ZSCAN29: variants seen among roughly 807,000 people sequenced by gnomAD.
The protein encoded by ZSCAN29 is zinc finger and SCAN domain containing 29.
In ZSCAN29, 55 loss-of-function variants were observed where a neutral mutation model predicts 71.9. That is an observed-to-expected ratio of 0.76 (90% CI 0.62 to 0.96). The LOEUF is 0.96. Ranked by LOEUF, ZSCAN29 falls within the 40% of genes least tolerant of loss-of-function variation. ZSCAN29 has a pLI of 0.00. For synonymous variants in ZSCAN29, 351 were observed against 371.6 expected, an observed-to-expected ratio of 0.94 and a Z score of 0.64; for missense variants, 1,042 against 1,042.2, an observed-to-expected ratio of 1.00 and a Z score of 0.00.
chr15:43,364,217 G>A lies in ZSCAN29; in HGVS notation c.1388C>T (p.Thr463Ile). The A allele has an allele frequency of 6.2e-7, 1 of 1,614,166 alleles. No homozygotes were observed. Among genetic ancestry groups the A allele is most frequent in the Non-Finnish European group, 8.5e-7 (1 of 1,180,038 alleles). Residue 463 changes from threonine to isoleucine, a missense_variant, in exon 5 of 6, where the codon ACC (threonine) becomes ATC (isoleucine). Transcript: ENST00000684362. ...GFLRTPEQCR[T>I]KFKSLQTSYR... ...GCTGGTTTGCAGGCTTTTAAACTTG[G>A]TCCGACACTGTTCTGGGGTCCTAAG...
chr15:43,363,823 G>A, intron 5 of ZSCAN29, 92 bp downstream of exon 5: 12 of 1,238,814 alleles, frequency 9.7e-6, no homozygotes, highest in African/African-American at 1.5e-5. Context: ...TGAAAGCTGG[G>A]TGTAGAGGCC....
chr15:43,358,271 A>C lies in ZSCAN29; in HGVS notation c.*2802T>G, dbSNP rs939091647. On this transcript the variant is annotated 3_prime_UTR_variant, in exon 6 of 6. Coordinates refer to ENST00000684362, the MANE Select transcript of ZSCAN29 (RefSeq NM_001372080.1). ...CAGAAAGGGAAATGGAGGCAGGTTA[A>C]CTTACAAGACATCTGGAACCAGAAT... The C allele has an allele frequency of 1.3e-5, 2 of 152,652 alleles. No individual in the cohort carries two copies. Among genetic ancestry groups the C allele is most frequent in the African/African-American group, 4.8e-5 (2 of 41,454 alleles). 9.5% of individuals were successfully genotyped at this position (152,652 alleles called of 1,614,324 possible). A position where few individuals can be genotyped will look rare whatever the true frequency, so the allele number is the denominator to read the frequency against.
rs773702432 is a variant in ZSCAN29, at chr15:43,369,773, T to C, written c.141A>G (p.Leu47=). ...GCTCCTTGGTGCGCACCTCCGGCCT[T>C]AGCCACCGACAGCAAAGTTCCCAGA... is the stretch of plus-strand genomic sequence containing the variant. ...SQLWELCCRW[L]RPEVRTKEQI... Residue 47 remains leucine (L), a synonymous_variant, in exon 2 of 6, where the codon CTA becomes CTG. Transcript: ENST00000684362. 1.9e-6 allele frequency: 3 copies of C among 1,614,232 alleles called. No homozygotes were observed. In the African/African-American group the frequency reaches 4.0e-5, roughly 22 times the overall value.
chr15:43,361,733 C>A lies in ZSCAN29; in HGVS notation c.1899G>T (p.Lys633Asn). 6.2e-7 allele frequency: 1 copy of A among 1,614,174 alleles called. No individual in the cohort carries two copies. Among genetic ancestry groups the A allele is most frequent in the Non-Finnish European group, 8.5e-7 (1 of 1,180,034 alleles). Residue 633 changes from lysine (K) to asparagine (N), a missense_variant, in exon 6 of 6, where the codon AAG becomes AAT. Lys to Asn is a moderately conservative substitution (Grantham distance 94). Transcript: ENST00000684362. ...EKRGKLTLPE[K>N]SLSEVLSQQR... The stretch of plus-strand genomic sequence containing the variant: ...GTTGACTTAGGACTTCACTTAAGCT[C>A]TTCTCCGGGAGTGTCAGTTTTCCTC...
At position 43,369,597 on chromosome 15, in the gene ZSCAN29, G is replaced by A. The variant is rs1595469922; in HGVS notation, c.317C>T (p.Ser106Leu). 1 of 1,609,378 alleles carries A rather than the reference G, an allele frequency of 6.2e-7. No individual in the cohort carries two copies. Among genetic ancestry groups the A allele is most frequent in the Non-Finnish European group, 8.5e-7 (1 of 1,176,656 alleles). ...TTTGAATTCCCCCTCCCTTCTCACC[G>A]AAGATCTAGGTCTTCCAGGCTCTCT... is the stretch of plus-strand genomic sequence containing the variant. Reference protein sequence around the residue: ...LEREPGRPRSSVTVSVKGQEV... With the variant: ...LEREPGRPRSLVTVSVKGQEV... Residue 106 changes from serine to leucine, a missense_variant and splice_region_variant, in exon 2 of 6, where the codon TCG becomes TTG. Coordinates refer to ENST00000684362, the MANE Select transcript of ZSCAN29 (RefSeq NM_001372080.1).
chr15:43,360,937 G>A lies in ZSCAN29; in HGVS notation c.*136C>T. 8.0e-7 allele frequency: 1 copy of A among 1,243,036 alleles called. No homozygotes were observed. Among genetic ancestry groups the A allele is most frequent in the Non-Finnish European group, 1.1e-6 (1 of 901,946 alleles). 77.0% of individuals were successfully genotyped at this position (1,243,036 alleles called of 1,614,324 possible). ...TTGAGTCTAGATCAGGAAAAACAAG[G>A]AACAAACAGTGGCATAAATCCTAAA... is the stretch of plus-strand genomic sequence containing the variant. On this transcript the variant is annotated 3_prime_UTR_variant, in exon 6 of 6. Coordinates refer to ENST00000684362, the MANE Select transcript of ZSCAN29 (RefSeq NM_001372080.1).
rs2043974786 is a variant in ZSCAN29, at chr15:43,361,196, G to A, written c.2436C>T (p.His812=). 2 of 1,614,082 alleles carry A rather than the reference G, an allele frequency of 1.2e-6. No homozygotes were observed. Among genetic ancestry groups the A allele is most frequent in the South Asian group, 1.1e-5 (1 of 91,084 alleles). The change falls in exon 6 of 6, where the codon CAC becomes CAT. Residue 812 remains histidine, a synonymous_variant. Transcript: ENST00000684362. ...SSDLRAHHRT[H]TGEKPYGCHD... ...GACACCCATAGGGTTTCTCTCCTGT[G>A]TGGGTTCTATGATGTGCACGTAAGT...
chr15:43,370,904 C>T lies in ZSCAN29; in HGVS notation c.-459G>A. 1 of 196,226 alleles carries T rather than the reference C, an allele frequency of 5.1e-6. No individual in the cohort carries two copies. Among genetic ancestry groups the T allele is most frequent in the Non-Finnish European group, 1.1e-5 (1 of 93,832 alleles). 12.2% of individuals were successfully genotyped at this position (196,226 alleles called of 1,614,324 possible). On this transcript the variant is annotated 5_prime_UTR_variant, in exon 1 of 6. Coordinates refer to ENST00000684362, the MANE Select transcript of ZSCAN29 (RefSeq NM_001372080.1). ...AGCCCACCCCTGGGAGCGTCTCCCTCTCGAGCTGCCCCTCAACCCCCTCGC... is the reference window on the plus strand; with the variant it reads ...AGCCCACCCCTGGGAGCGTCTCCCTTTCGAGCTGCCCCTCAACCCCCTCGC...
chr15:43,366,905 T>C (rs548497670), intron 3 of ZSCAN29, 97 bp from the exon 4 acceptor site: 6 of 1,176,596 alleles, frequency 5.1e-6, no homozygotes, highest in East Asian at 2.4e-5. Context: ...AAGAGGATTA[T>C]AAACAAAGTG....
At position 43,369,819 on chromosome 15, in the gene ZSCAN29, G is replaced by C. The variant is rs2044082550; in HGVS notation, c.95C>G (p.Pro32Arg). 6.2e-7 allele frequency: 1 copy of C among 1,614,170 alleles called. No homozygotes were observed. ...CCAGAGTTGGCTGAAAGCCTCCCGC[G>C]GCCCAGCCACCTCCTGGTAATGGAA... ...RRFHYQEVAG[P>R]REAFSQLWEL... The change falls in exon 2 of 6, where the codon CCG (proline) becomes CGG (arginine). Residue 32 changes from proline (P) to arginine (R), a missense_variant. Coordinates refer to ENST00000684362, the MANE Select transcript of ZSCAN29 (RefSeq NM_001372080.1).
chr15:43,369,016 C>A lies in ZSCAN29; in HGVS notation c.430G>T (p.Gly144Cys), dbSNP rs2142738115. The A allele has an allele frequency of 6.2e-7, 1 of 1,612,776 alleles. No individual in the cohort carries two copies. Among genetic ancestry groups the A allele is most frequent in the South Asian group, 1.1e-5 (1 of 90,762 alleles). ...RQESVEPQPRGVPKKERARSP... is the reference protein window; with the variant it reads ...RQESVEPQPRCVPKKERARSP... ...CTTGCCCTCTCTTTCTTGGGTACAC[C>A]CCTGGGCTGGGGTTCCACTGACTCC... The change falls in exon 3 of 6, where the codon GGT (glycine) becomes TGT (cysteine). Residue 144 changes from glycine (G) to cysteine (C), a missense_variant. Transcript: ENST00000684362.
rs2044078642 is a variant in ZSCAN29, at chr15:43,369,612, C to T, written c.302G>A (p.Gly101Glu). Reference sequence around the variant, plus strand: ...CCTTCTCACCGAAGATCTAGGTCTTCCAGGCTCTCTTTCTAAATCTTCCAC... The same window carrying T: ...CCTTCTCACCGAAGATCTAGGTCTTTCAGGCTCTCTTTCTAAATCTTCCAC... ...TLVEDLEREP[G>E]RPRSSVTVSV... Residue 101 changes from glycine to glutamate, a missense_variant, in exon 2 of 6, where the codon GGA becomes GAA. Physicochemically the swap from Gly to Glu is moderately conservative, Grantham distance 98. Transcript: ENST00000684362. 1 of 1,612,954 alleles carries T rather than the reference C, an allele frequency of 6.2e-7. No individual in the cohort carries two copies. The highest frequency in any genetic ancestry group is 8.5e-7 in the Non-Finnish European group (1 of 1,179,256).
At chr15:43,368,795 T>C (rs887457751) in intron 3 of ZSCAN29, 128 bp downstream of exon 3, 39 of 829,556 alleles carry the variant, frequency 4.7e-5, no homozygotes, top group Non-Finnish European at 6.6e-5. Context: ...GAGGCTAAAC[T>C]ACATGTCAAC....
chr15:43,369,425 C>A, intron 2 of ZSCAN29, 171 bp downstream of exon 2: 1 of 688,590 alleles, frequency 1.5e-6, no homozygotes, highest in Middle Eastern at 2.9e-4. Flanking sequence ...GGTGAAGGTA[C>A]ACCCAGGAAG....
Position 43,364,443 on chromosome 15 carries a change from C to T in ZSCAN29, c.1223-61G>A. The T allele has an allele frequency of 5.6e-6, 8 of 1,428,140 alleles. 1 individual carries two copies. Among genetic ancestry groups the T allele is most frequent in the Non-Finnish European group, 7.8e-6 (8 of 1,021,160 alleles). The allele number at this position is 1,428,140 out of a possible 1,614,324, so 88.5% of individuals were successfully genotyped here. On this transcript the variant is annotated intron_variant, in intron 4 of 5. Coordinates refer to ENST00000684362, the MANE Select transcript of ZSCAN29 (RefSeq NM_001372080.1). ...CCAGAGCTTTAGAGCCTGAATTCCT[C>T]AGTCCTATCATCTGCATCATGAGAA...
chr15:43,363,815 A>C (rs2044006580), intron 5 of ZSCAN29, 100 bp downstream of exon 5: 12 of 1,170,248 alleles, frequency 1.0e-5, no homozygotes, highest in Non-Finnish European at 1.3e-5. Context: ...AGAATCCATG[A>C]AAGCTGGGTG....
At chr15:43,363,694 T>C (rs1435203310) in intron 5 of ZSCAN29, 1 of 458,636 alleles carries the variant, frequency 2.2e-6, no homozygotes, top group Non-Finnish European at 3.8e-6. Flanking sequence ...AAATTTACAA[T>C]GTGCAGCTAT....
chr15:43,364,455 C>A (rs752308202), intron 4 of ZSCAN29, 73 bp from the exon 5 acceptor site: 1 of 1,353,868 alleles, frequency 7.4e-7, no homozygotes, highest in Non-Finnish European at 1.0e-6. Flanking sequence ...GTCCTATCAT[C>A]TGCATCATGA....
At position 43,361,109 on chromosome 15, in the gene ZSCAN29, T is replaced by G; in HGVS notation, c.2523A>C (p.Ala841=). ...SALNKHGEIH[A]REKLLTQSAP... is the part of the protein sequence containing the mutation. The stretch of plus-strand genomic sequence containing the variant: ...CTGACTGTGTCAGAAGCTTTTCCCG[T>G]GCATGGATTTCTCCGTGCTTATTAA... Residue 841 remains alanine, a synonymous_variant, in exon 6 of 6, where the codon GCA becomes GCC. Coordinates refer to ENST00000684362, the MANE Select transcript of ZSCAN29 (RefSeq NM_001372080.1). 6.2e-7 allele frequency: 1 copy of G among 1,608,640 alleles called. No individual in the cohort carries two copies. Among genetic ancestry groups the G allele is most frequent in the Non-Finnish European group, 8.5e-7 (1 of 1,175,634 alleles).
Sources: allele counts gnomAD v4.1 joint callset, GRCh38; gene constraint gnomAD v4.1.1; transcripts MANE v1.5; gene names NCBI Gene and HGNC (gene_info 2026-07-23, HGNC 2026-07-21).